The following ANGPT1 variants were observed in gnomAD, a reference collection of about 807,000 sequenced individuals.
ANGPT1 encodes angiopoietin-1.
ANGPT1 carries 17 observed loss-of-function variants against 62.2 expected under a neutral mutation model. The ratio of observed to expected loss-of-function variants is 0.27; its 90% CI spans 0.19 to 0.41. The LOEUF is 0.41. ANGPT1 is among the 10% of genes least tolerant of loss of function. The probability of loss-of-function intolerance (pLI) is 1.00; values close to 1 mark genes in which losing one functional copy is unlikely to be tolerated. For missense variants in ANGPT1, 478 were observed against 594.9 expected (o/e 0.80, Z 2.04); for synonymous variants, 199 against 198.9 (o/e 1.00, Z 0.00).
chr8:107,388,277 T>C (rs867263227), intron 1 of ANGPT1, among the ~76,000 whole-genome samples: 1 of 151,986 alleles, frequency 6.6e-6, no homozygotes, highest in Admixed American at 6.6e-5. Context: ...TAGCTGGACA[T>C]GGTGGCATGT....
At chr8:107,295,812 A>C (rs539010635) in intron 5 of ANGPT1, among the ~76,000 whole-genome samples, 9 of 152,164 alleles carry the variant, frequency 5.9e-5, no homozygotes, top group Non-Finnish European at 1.3e-4. Flanking sequence ...TAAGAGCATA[A>C]GGAAGAAAGA....
rs372850805 is a variant in ANGPT1, at chr8:107,300,887, G to C, written c.936+2353C>G. ...GAAACCAACCCAGGAGCCAGCCATG[G>C]AAGGAGTAAATTGGATTCTCCAACA... On this transcript the variant is annotated intron_variant, in intron 5 of 8. Coordinates refer to ENST00000517746, the MANE Select transcript of ANGPT1 (RefSeq NM_001146.5). Among the ~76,000 whole-genome samples, 7 of 151,920 alleles carry C rather than the reference G, an allele frequency of 4.6e-5. No individual in the cohort carries two copies. The East Asian group carries it at 5.8e-4, about 13-fold the overall frequency.
chr8:107,477,231 C>G (rs530271756), intron 1 of ANGPT1, among the ~76,000 whole-genome samples: 1 of 152,290 alleles, frequency 6.6e-6, no homozygotes, highest in African/African-American at 2.4e-5. Flanking sequence ...ATTCACCTCT[C>G]CATCCATTCG....
At chr8:107,270,577 A>G (rs937742065) in intron 7 of ANGPT1, among the ~76,000 whole-genome samples, 5 of 151,982 alleles carry the variant, frequency 3.3e-5, no homozygotes, top group Admixed American at 6.6e-5. Flanking sequence ...CTTTCCACTG[A>G]AAGAACTGGG....
chr8:107,387,416 T>A (rs1267191069), intron 1 of ANGPT1, among the ~76,000 whole-genome samples: 2 of 152,080 alleles, frequency 1.3e-5, no homozygotes, highest in Non-Finnish European at 2.9e-5. Flanking sequence ...AGCAAGTACC[T>A]TTCTGTGTGC....
intron 4 of ANGPT1, among the ~76,000 whole-genome samples, chr8:107,318,744 G>A (rs569516186): frequency 1.5e-4 from 23 of 151,694 alleles, no homozygotes; most frequent in Admixed American, 7.2e-4. Context: ...GGAGTAAAAC[G>A]TGATGTTTTG....
chr8:107,433,384 T>C (rs1586318588), intron 1 of ANGPT1, among the ~76,000 whole-genome samples: 1 of 152,248 alleles, frequency 6.6e-6, no homozygotes, highest in South Asian at 2.1e-4. Context: ...GGTTGCCTTA[T>C]GAAATAGTTC....
chr8:107,345,153 A>T (rs1249818968), intron 2 of ANGPT1, among the ~76,000 whole-genome samples: 1 of 152,124 alleles, frequency 6.6e-6, no homozygotes, highest in Non-Finnish European at 1.5e-5. Flanking sequence ...GCTACTTGTG[A>T]TGGATTTGTG....
intron 3 of ANGPT1, among the ~76,000 whole-genome samples, chr8:107,326,247 T>C (rs1017519973): frequency 6.6e-6 from 1 of 152,126 alleles, no homozygotes; most frequent in Non-Finnish European, 1.5e-5. Context: ...GTAATATGCA[T>C]AACAACTACA....
intron 1 of ANGPT1, among the ~76,000 whole-genome samples, chr8:107,380,855 C>T (rs1354106490): frequency 6.6e-6 from 1 of 152,108 alleles, no homozygotes; most frequent in African/African-American, 2.4e-5. Flanking sequence ...TAAAGGACCC[C>T]ACCACTCTCT....
rs1360567070 is a variant in ANGPT1 at position 107,370,381 on chromosome 8, AAAG to A, written c.298-23287_298-23285del. Among the ~76,000 whole-genome samples, 39 of 40,452 alleles carry A rather than the reference AAAG, an allele frequency of 9.6e-4. 8 individuals are homozygous for A. In the South Asian group the frequency reaches 0.014, roughly 14 times the overall value. 26.5% of individuals were successfully genotyped at this position (40,452 alleles called of 152,430 possible). A position where few individuals can be genotyped will look rare whatever the true frequency, so the allele number is the denominator to read the frequency against. On this transcript the variant is annotated intron_variant, in intron 1 of 8. Coordinates refer to ENST00000517746, the MANE Select transcript of ANGPT1 (RefSeq NM_001146.5). Reference sequence around the variant, plus strand: ...GAAAGAAAGAAAGAAAGAAAGAAAGAAAGAAAGAAAGAAAGAAAGAAAGAAAGA... The same window carrying A: ...GAAAGAAAGAAAGAAAGAAAGAAAGAAAAGAAAGAAAGAAAGAAAGAAAGA...
chr8:107,277,990 A>G (rs1219831066), intron 7 of ANGPT1, among the ~76,000 whole-genome samples: 1 of 152,186 alleles, frequency 6.6e-6, no homozygotes, highest in African/African-American at 2.4e-5. Flanking sequence ...TATAGAATAT[A>G]TAATTAAAAA....
intron 1 of ANGPT1, among the ~76,000 whole-genome samples, chr8:107,394,164 G>T (rs1449463210): frequency 6.6e-6 from 1 of 152,152 alleles, no homozygotes; most frequent in Non-Finnish European, 1.5e-5. Context: ...ATCCTCAGGA[G>T]AATCTAAGAA....
chr8:107,480,077 C>T (rs1490537088), intron 1 of ANGPT1, among the ~76,000 whole-genome samples: 1 of 152,058 alleles, frequency 6.6e-6, no homozygotes, highest in Non-Finnish European at 1.5e-5. Context: ...GAAGGCAGAC[C>T]TCAGGTCTAA....
intron 1 of ANGPT1, among the ~76,000 whole-genome samples, chr8:107,356,708 C>T (rs1816054200): frequency 6.6e-6 from 1 of 152,214 alleles, no homozygotes; most frequent in Admixed American, 6.5e-5. Context: ...GCTGTGCTTG[C>T]TTAGGCAAGA....
At chr8:107,397,948 A>C (rs1816967655) in intron 1 of ANGPT1, among the ~76,000 whole-genome samples, 1 of 152,192 alleles carries the variant, frequency 6.6e-6, no homozygotes, top group African/African-American at 2.4e-5. Context: ...CAAATACCAA[A>C]GTTGAAACAA....
chr8:107,300,885 T>C (rs760554278), intron 5 of ANGPT1, among the ~76,000 whole-genome samples: 1 of 151,920 alleles, frequency 6.6e-6, no homozygotes, highest in African/African-American at 2.4e-5. Flanking sequence ...GAGCCAGCCA[T>C]GGAAGGAGTA....
At chr8:107,461,961 C>T (rs1382460703) in intron 1 of ANGPT1, among the ~76,000 whole-genome samples, 1 of 152,020 alleles carries the variant, frequency 6.6e-6, no homozygotes, top group Non-Finnish European at 1.5e-5. Context: ...AAACAAACCA[C>T]TAGTTAAGAA....
intron 1 of ANGPT1, among the ~76,000 whole-genome samples, chr8:107,453,411 T>C (rs1319650810): frequency 6.6e-6 from 1 of 151,982 alleles, no homozygotes; most frequent in East Asian, 1.9e-4. Flanking sequence ...CTCACAATTA[T>C]GGTGGAAGGC....
Sources: allele counts gnomAD v4.1 joint callset (sites outside exome capture counted in the v4.1 genomes callset), GRCh38; gene constraint gnomAD v4.1.1; transcripts MANE v1.5; gene names NCBI Gene and HGNC (gene_info 2026-07-23, HGNC 2026-07-21).